Variants in TMCC1 observed in about 807,000 individuals in gnomAD.
The protein encoded by TMCC1 is transmembrane and coiled-coil domains protein 1.
TMCC1 carries 15 observed loss-of-function variants against 52.4 expected under a neutral mutation model. That is an observed-to-expected ratio of 0.29 (90% CI 0.19 to 0.44). The LOEUF is 0.44. TMCC1 is among the 20% of genes least tolerant of loss of function. The pLI, the probability that TMCC1 is intolerant of heterozygous loss-of-function variation, is 1.00. For missense variants in TMCC1, 503 were observed against 806.0 expected, an observed-to-expected ratio of 0.62 and a Z score of 4.55; for synonymous variants, 279 against 301.9, an observed-to-expected ratio of 0.92 and a Z score of 0.79.
chr3:129,883,226 C>T (rs1369634265), intron 1 of TMCC1, among the ~76,000 whole-genome samples: 4 of 152,160 alleles, frequency 2.6e-5, no homozygotes, highest in Admixed American at 2.0e-4. Context: ...GCAGGAGAAT[C>T]GCTTGAACCC....
chr3:129,859,180 C>T (rs1032891610), intron 2 of TMCC1, among the ~76,000 whole-genome samples: 3 of 152,126 alleles, frequency 2.0e-5, no homozygotes, highest in African/African-American at 7.2e-5. Context: ...GTAAATCTTA[C>T]TCAAGGAGAA....
intron 4 of TMCC1, among the ~76,000 whole-genome samples, chr3:129,737,313 T>C (rs2051055577): frequency 6.6e-6 from 1 of 151,976 alleles, no homozygotes; most frequent in African/African-American, 2.4e-5. Flanking sequence ...ACCCCATCTC[T>C]ACGAAAAAAA....
intron 2 of TMCC1, among the ~76,000 whole-genome samples, chr3:129,858,382 GT>G (rs11293603): frequency 0.99 from 151,071 of 152,130 alleles, 75,020 homozygotes; most frequent in East Asian, 1. Context: ...TACATTTTTG[GT>G]TTTTTTTGAG....
At position 129,873,193 on chromosome 3, in the gene TMCC1, G is replaced by A. The variant is rs775458494; in HGVS notation, c.-184+7116C>T. 1.1e-4 allele frequency among the ~76,000 whole-genome samples: 16 copies of A among 152,124 alleles called. No individual in the cohort carries two copies. In the South Asian group the frequency reaches 1.5e-3, roughly 14 times the overall value. ...TGGGATAACAGGCATGAGCCACCGC[G>A]CCCAGCCTATCCTTGGAAATTAATG... On this transcript the variant is annotated intron_variant, in intron 2 of 6. Coordinates refer to ENST00000393238, the MANE Select transcript of TMCC1 (RefSeq NM_001017395.5).
intron 4 of TMCC1, among the ~76,000 whole-genome samples, chr3:129,759,883 G>A (rs955202772): frequency 1.3e-5 from 2 of 150,440 alleles, no homozygotes; most frequent in East Asian, 2.0e-4. Flanking sequence ...CACCACGCCC[G>A]GCTAATTTTT....
chr3:129,767,025 G>C (rs62265567), intron 4 of TMCC1, among the ~76,000 whole-genome samples: 22,040 of 151,750 alleles, frequency 0.15, 2,365 homozygotes, highest in East Asian at 0.57. Flanking sequence ...ACTTTGGGAG[G>C]CCGAGGTGGG....
intron 4 of TMCC1, among the ~76,000 whole-genome samples, chr3:129,756,618 C>T (rs191680259): frequency 1.1e-3 from 167 of 152,146 alleles, no homozygotes; most frequent in African/African-American, 3.4e-3. Flanking sequence ...CAGATGGTCT[C>T]GATCTCTTGA....
At chr3:129,835,688 A>C (rs1289374862) in intron 2 of TMCC1, among the ~76,000 whole-genome samples, 1 of 152,224 alleles carries the variant, frequency 6.6e-6, no homozygotes, top group Non-Finnish European at 1.5e-5. Flanking sequence ...CCATGTATAT[A>C]TCATGCTACT....
chr3:129,814,143 T>G (rs1206686556), intron 4 of TMCC1, among the ~76,000 whole-genome samples: 1 of 152,128 alleles, frequency 6.6e-6, no homozygotes, highest in African/African-American at 2.4e-5. Context: ...CTAAAGACAT[T>G]AGGAGAAGAC....
chr3:129,807,812 T>A (rs1023889065), intron 4 of TMCC1, among the ~76,000 whole-genome samples: 2 of 152,164 alleles, frequency 1.3e-5, no homozygotes, highest in South Asian at 4.1e-4. Context: ...AAAAATTATC[T>A]TCCATGCACC....
chr3:129,838,130 G>A (rs1415583695), intron 2 of TMCC1, among the ~76,000 whole-genome samples: 1 of 152,206 alleles, frequency 6.6e-6, no homozygotes, highest in African/African-American at 2.4e-5. Context: ...CTGAAAACAG[G>A]CTGGGCATGG....
intron 4 of TMCC1, among the ~76,000 whole-genome samples, chr3:129,772,341 C>CA (rs1359641719): frequency 1.3e-5 from 2 of 149,116 alleles, no homozygotes; most frequent in African/African-American, 2.5e-5. Flanking sequence ...GAGTGTGTCT[C>CA]AAAAAAAAGA....
intron 4 of TMCC1, among the ~76,000 whole-genome samples, chr3:129,749,056 C>T (rs1032117073): frequency 6.6e-6 from 1 of 152,030 alleles, no homozygotes; most frequent in African/African-American, 2.4e-5. Context: ...ATTTCCACAA[C>T]AACCCAATGA....
intron 4 of TMCC1, among the ~76,000 whole-genome samples, chr3:129,756,222 C>A (rs967941291): frequency 6.6e-6 from 1 of 151,942 alleles, no homozygotes; most frequent in African/African-American, 2.4e-5. Flanking sequence ...TCCAAGTGAA[C>A]TGAAAAACCT....
chr3:129,844,884 A>C (rs1431504833), intron 2 of TMCC1, among the ~76,000 whole-genome samples: 1 of 152,144 alleles, frequency 6.6e-6, no homozygotes, highest in Non-Finnish European at 1.5e-5. Context: ...TTGAAAATAA[A>C]ATTTAAAAGG....
At chr3:129,706,869 T>G (rs1057089938) in intron 4 of TMCC1, among the ~76,000 whole-genome samples, 4 of 151,274 alleles carry the variant, frequency 2.6e-5, no homozygotes, top group African/African-American at 9.8e-5. Flanking sequence ...TATTCACAGG[T>G]GTGATCATAG....
At chr3:129,743,507 G>A (rs2051646989) in intron 4 of TMCC1, among the ~76,000 whole-genome samples, 1 of 152,162 alleles carries the variant, frequency 6.6e-6, no homozygotes, top group African/African-American at 2.4e-5. Flanking sequence ...TTTATGTGAA[G>A]TATTCAGAGC....
chr3:129,670,622 C>T lies in TMCC1; in HGVS notation c.1219G>A (p.Val407Met). The change falls in exon 5 of 7, where the codon GTG becomes ATG. Residue 407 changes from valine to methionine, a missense_variant. Coordinates refer to ENST00000393238, the MANE Select transcript of TMCC1 (RefSeq NM_001017395.5). ...QVDDAGKALG[V>M]ISNFQSSPKY... ...GGGCTAGACTGAAAGTTTGAAATCA[C>T]TCCCAAAGCCTTCCCCGCATCATCC... 1 of 1,614,230 alleles carries T rather than the reference C, an allele frequency of 6.2e-7. No individual in the cohort carries two copies. Among genetic ancestry groups the T allele is most frequent in the Non-Finnish European group, 8.5e-7 (1 of 1,180,042 alleles).
chr3:129,733,956 T>C (rs907716944), intron 4 of TMCC1, among the ~76,000 whole-genome samples: 1 of 152,154 alleles, frequency 6.6e-6, no homozygotes, highest in Non-Finnish European at 1.5e-5. Flanking sequence ...ACACTACTGA[T>C]AGGAATAAGT....
Sources: gnomAD v4.1 joint callset for allele counts (sites outside exome capture counted in the v4.1 genomes callset) on GRCh38, gnomAD v4.1.1 for gene constraint, MANE v1.5 for transcripts, NCBI Gene and HGNC (gene_info 2026-07-23, HGNC 2026-07-21) for gene names.